Variants in SLC5A11 observed in about 807,000 individuals in gnomAD.
The protein encoded by SLC5A11 is sodium/myo-inositol cotransporter 2.
Under a neutral mutation model 69.8 loss-of-function variants are expected in SLC5A11, and 48 were observed. The ratio of observed to expected loss-of-function variants is 0.69; its 90% CI spans 0.55 to 0.87. The LOEUF is 0.87. Among genes scored for constraint, SLC5A11 ranks in the 40% least tolerant of loss-of-function variants. The pLI, the probability that SLC5A11 is intolerant of heterozygous loss-of-function variation, is 0.00. For synonymous variants in SLC5A11, 319 were observed against 342.4 expected, an observed-to-expected ratio of 0.93 and a Z score of 0.75; for missense variants, 784 against 866.1, an observed-to-expected ratio of 0.91 and a Z score of 1.19.
intron 8 of SLC5A11, among the ~76,000 whole-genome samples, chr16:24,884,786 G>A (rs547726739): frequency 4.0e-5 from 6 of 151,724 alleles, no homozygotes; most frequent in Non-Finnish European, 7.4e-5. Flanking sequence ...TGCCACCCAG[G>A]CTGAAGTGCA....
intron 13 of SLC5A11, 104 bp downstream of exon 14, chr16:24,908,235 G>A: frequency 3.0e-6 from 4 of 1,353,456 alleles, no homozygotes; most frequent in South Asian, 1.4e-5. Context: ...GGCTGGAATT[G>A]GGTGTTGAGA....
intron 2 of SLC5A11, among the ~76,000 whole-genome samples, chr16:24,860,683 A>T (rs1268327811): frequency 6.6e-6 from 1 of 152,114 alleles, no homozygotes; most frequent in Non-Finnish European, 1.5e-5. Flanking sequence ...AGACTAGGAA[A>T]AATAATATCT....
rs140360207 is a variant in SLC5A11, at chr16:24,892,719, C to G, written c.870+1645C>G. Among the ~76,000 whole-genome samples, 136 of 152,158 alleles carry G rather than the reference C, an allele frequency of 8.9e-4. 2 individuals carry two copies. The highest frequency in any genetic ancestry group is 2.9e-3 in the African/African-American group (120 of 41,514). ...GGGGAGTTATACTGCATAGTGAGGG[C>G]TGATGACAGTTTAATTAAAGCAATA... On this transcript the variant is annotated intron_variant, in intron 9 of 15. Transcript: ENST00000347898.
intron 3 of SLC5A11, 21 bp downstream of exon 4, chr16:24,862,693 T>C (rs202027469): frequency 1.4e-5 from 22 of 1,604,630 alleles, no homozygotes; most frequent in Middle Eastern, 1.7e-4. Flanking sequence ...TTTGGTTCAA[T>C]TAAAGTCACT....
chr16:24,868,960 C>T lies in SLC5A11; in HGVS notation c.208-941C>T, dbSNP rs189069748. Among the ~76,000 whole-genome samples the T allele has an allele frequency of 5.7e-4, 87 of 151,772 alleles. 1 individual carries two copies. In the East Asian group the frequency reaches 0.013, roughly 22 times the overall value. On this transcript the variant is annotated intron_variant, in intron 3 of 15. Coordinates refer to ENST00000347898, the Ensembl canonical transcript of SLC5A11. ...TCGGCTCGTTGCAACCTCCACCTCCCGGGCTCGAGCGATTCTCCTGCCTCA... is the reference window on the plus strand; with the variant it reads ...TCGGCTCGTTGCAACCTCCACCTCCTGGGCTCGAGCGATTCTCCTGCCTCA...
At chr16:24,886,036 CT>C (rs35828435) in intron 8 of SLC5A11, among the ~76,000 whole-genome samples, 52,409 of 138,850 alleles carry the variant, frequency 0.38, 10,005 homozygotes, top group Non-Finnish European at 0.47. Context: ...AATAGGAGTT[CT>C]TTTTTTTTTT....
intron 10 of SLC5A11, among the ~76,000 whole-genome samples, chr16:24,905,429 G>A (rs1464194729): frequency 3.3e-5 from 5 of 151,338 alleles, no homozygotes; most frequent in Non-Finnish European, 7.4e-5. Flanking sequence ...GCGACAGAGT[G>A]AGACTCCATC....
intron 2 of SLC5A11, among the ~76,000 whole-genome samples, chr16:24,860,505 A>G (rs1325937420): frequency 2.0e-5 from 2 of 101,754 alleles, no homozygotes; most frequent in Admixed American, 9.4e-5. Flanking sequence ...GAGTGTAGCT[A>G]TAAGATAAAT....
At chr16:24,907,984 C>G (rs2050199212) in exon 13 of SLC5A11, 1 of 1,613,978 alleles carries the variant, frequency 6.2e-7, no homozygotes, top group African/African-American at 1.3e-5. Context: ...TGCTGCTGGT[C>G]CTGGTCTCCA....
intron 5 of SLC5A11, among the ~76,000 whole-genome samples, chr16:24,874,393 C>T (rs923411200): frequency 1.3e-5 from 2 of 152,158 alleles, no homozygotes; most frequent in Non-Finnish European, 2.9e-5. Flanking sequence ...TTTGGCTTTA[C>T]AAGATATTGA....
At chr16:24,894,624 AC>A (rs1161731642) in intron 9 of SLC5A11, among the ~76,000 whole-genome samples, 13 of 151,754 alleles carry the variant, frequency 8.6e-5, no homozygotes, top group Admixed American at 8.6e-4. Flanking sequence ...ACACAGTGAA[AC>A]CCCGTCTCTA....
intron 1 of SLC5A11, among the ~76,000 whole-genome samples, chr16:24,858,289 G>A (rs2059618678): frequency 6.6e-6 from 1 of 152,236 alleles, no homozygotes; most frequent in Non-Finnish European, 1.5e-5. Context: ...TGACTCAGGT[G>A]TCTCATTTTT....
intron 1 of SLC5A11, among the ~76,000 whole-genome samples, chr16:24,856,240 A>T (rs1202331942): frequency 6.6e-6 from 1 of 152,102 alleles, no homozygotes; most frequent in Non-Finnish European, 1.5e-5. Context: ...CAGAGGACCC[A>T]CCAGACATTC....
intron 1 of SLC5A11, among the ~76,000 whole-genome samples, chr16:24,850,312 A>G (rs572835777): frequency 1.3e-5 from 2 of 152,346 alleles, no homozygotes; most frequent in South Asian, 4.1e-4. Flanking sequence ...CATGGCATCA[A>G]CGGGTGGAGG....
chr16:24,849,621 T>TATATATATATATATATATATATATCTGC (rs1460290781), intron 1 of SLC5A11, among the ~76,000 whole-genome samples: 1 of 123,696 alleles, frequency 8.1e-6, no homozygotes, highest in African/African-American at 3.1e-5. Context: ...TATATATATA[T>TATATATATATATATATATATATATCTGC]ATCCATGAGA....
At chr16:24,872,287 C>A (rs908436285) in intron 5 of SLC5A11, 68 bp downstream of exon 6, 5 of 1,556,268 alleles carry the variant, frequency 3.2e-6, no homozygotes, top group African/African-American at 1.4e-5. Flanking sequence ...CCTGCAGTCC[C>A]TCCCTCATCC....
chr16:24,901,000 T>A (rs1189273136), intron 10 of SLC5A11, among the ~76,000 whole-genome samples: 5 of 151,922 alleles, frequency 3.3e-5, no homozygotes, highest in Non-Finnish European at 7.4e-5. Flanking sequence ...TCAGTCCCTA[T>A]GAAAAGAGCT....
intron 1 of SLC5A11, among the ~76,000 whole-genome samples, chr16:24,848,686 C>T (rs2059133876): frequency 6.6e-6 from 1 of 152,090 alleles, no homozygotes; most frequent in African/African-American, 2.4e-5. Flanking sequence ...GTGGGAGGAT[C>T]CCTTGAGCAC....
At chr16:24,852,909 C>T (rs556483588) in intron 1 of SLC5A11, among the ~76,000 whole-genome samples, 23 of 146,588 alleles carry the variant, frequency 1.6e-4, no homozygotes, top group Non-Finnish European at 3.1e-4. Flanking sequence ...ACAGCTGATG[C>T]CTAATAAATG....
Sources: allele counts gnomAD v4.1 joint callset (sites outside exome capture counted in the v4.1 genomes callset), GRCh38; gene constraint gnomAD v4.1.1; transcripts MANE v1.5; gene names NCBI Gene and HGNC (gene_info 2026-07-23, HGNC 2026-07-21).